CDH9: variants seen among roughly 807,000 people sequenced by gnomAD.
CDH9 encodes the protein cadherin 9, also known as cadherin-9.
Under a neutral mutation model 70.9 loss-of-function variants are expected in CDH9, and 28 were observed. That is an observed-to-expected ratio of 0.40 (90% confidence interval 0.29 to 0.54). The LOEUF is 0.54. CDH9 is among the 20% of genes least tolerant of loss of function. CDH9 has a pLI of 0.59. For missense variants in CDH9, 874 were observed against 984.4 expected (o/e 0.89, Z 1.50); for synonymous variants, 409 against 343.1 (o/e 1.19, Z -2.12).
At position 26,906,784 on chromosome 5, in the gene CDH9, T is replaced by C; in HGVS notation, c.578A>G (p.Asn193Ser). 1 of 1,613,212 alleles carries C rather than the reference T, an allele frequency of 6.2e-7. No homozygotes were observed. The highest frequency in any genetic ancestry group is 1.7e-5 in the Admixed American group (1 of 59,992). The change falls in exon 4 of 12, where the codon AAT (asparagine) becomes AGT (serine). Residue 193 changes from asparagine (N) to serine (S), a missense_variant. Transcript: ENST00000231021. ...TATGCTATAGACCACTTTGGCACTA[T>C]TTCCATAGTTGGCGTCATCTGCATC... ...ATDADDANYG[N>S]SAKVVYSILQ... is the part of the protein sequence containing the mutation.
intron 2 of CDH9, among the ~76,000 whole-genome samples, chr5:26,928,817 C>T (rs1187936463): frequency 1.3e-5 from 2 of 152,082 alleles, no homozygotes; most frequent in African/African-American, 4.8e-5. Context: ...AGACTCCTAT[C>T]TCTCACCATA....
intron 3 of CDH9, among the ~76,000 whole-genome samples, chr5:26,914,718 AATT>A (rs1263190232): frequency 6.6e-6 from 1 of 152,042 alleles, no homozygotes; most frequent in African/African-American, 2.4e-5. Flanking sequence ...CTTCTATAGA[AATT>A]ATTTTAGACT....
At chr5:26,909,211 C>G (rs562945124) in intron 3 of CDH9, among the ~76,000 whole-genome samples, 1 of 152,206 alleles carries the variant, frequency 6.6e-6, no homozygotes, top group East Asian at 1.9e-4. Flanking sequence ...GTCTCGATCT[C>G]CTGACCTCAT....
chr5:26,992,480 GC>G (rs1444602959), intron 1 of CDH9, among the ~76,000 whole-genome samples: 1 of 152,138 alleles, frequency 6.6e-6, no homozygotes, highest in African/African-American at 2.4e-5. Flanking sequence ...CACCAAATCT[GC>G]CATGCCTTGC....
chr5:26,964,065 G>C (rs995322815), intron 2 of CDH9, among the ~76,000 whole-genome samples: 5 of 152,016 alleles, frequency 3.3e-5, no homozygotes, highest in African/African-American at 1.2e-4. Context: ...AAAAAATTGT[G>C]AAGAGTATTT....
chr5:26,890,544 G>A lies in CDH9; in HGVS notation c.1274C>T (p.Thr425Ile). 6.2e-7 allele frequency: 1 copy of A among 1,607,582 alleles called. No homozygotes were observed. Residue 425 changes from threonine (T) to isoleucine (I), a missense_variant, in exon 8 of 12, where the codon ACT becomes ATT. Transcript: ENST00000231021. ...NLIKYSVDRH[T>I]DMDRIFGIHS... The stretch of plus-strand genomic sequence containing the variant: ...AATACCAAAAATACGGTCCATATCA[G>A]TATGCCGATCAACAGAGTACCTGGC...
At chr5:26,945,296 C>G (rs1431507398) in intron 2 of CDH9, among the ~76,000 whole-genome samples, 1 of 151,134 alleles carries the variant, frequency 6.6e-6, no homozygotes, top group East Asian at 1.9e-4. Context: ...TCAATATGTT[C>G]TTACAAGCTT....
chr5:26,907,511 A>G (rs929272170), intron 3 of CDH9, among the ~76,000 whole-genome samples: 1 of 152,116 alleles, frequency 6.6e-6, no homozygotes, highest in South Asian at 2.1e-4. Flanking sequence ...AAGAAGATCT[A>G]AAGTGTGTAA....
chr5:26,882,752 T>A (rs1436296641), intron 11 of CDH9, among the ~76,000 whole-genome samples: 1 of 151,804 alleles, frequency 6.6e-6, no homozygotes, highest in Non-Finnish European at 1.5e-5. Context: ...TATTTATGCT[T>A]CACAGAAAAT....
Position 27,030,235 on chromosome 5 carries a change from G to A in CDH9, c.-50+8228C>T, listed in dbSNP as rs796564299. 2.6e-4 allele frequency among the ~76,000 whole-genome samples: 40 copies of A among 151,974 alleles called. 2 individuals carry two copies. Among genetic ancestry groups the A allele is most frequent in the African/African-American group, 8.7e-4 (36 of 41,504 alleles). On this transcript the variant is annotated intron_variant, in intron 1 of 11. Coordinates refer to ENST00000231021, the MANE Select transcript of CDH9 (RefSeq NM_016279.4). ...CAACTCCCTGTAAGGTTCATTTCCC[G>A]TAGTAGGGAGAGATGGGGGAGAGGA...
chr5:26,936,078 T>A (rs916077504), intron 2 of CDH9, among the ~76,000 whole-genome samples: 4 of 151,366 alleles, frequency 2.6e-5, no homozygotes, highest in South Asian at 4.2e-4. Flanking sequence ...AATGATATAA[T>A]GGACTTTGAG....
chr5:26,902,776 G>A (rs1487173889), intron 6 of CDH9, 47 bp from the exon 7 acceptor site: 3 of 1,108,772 alleles, frequency 2.7e-6, no homozygotes, highest in Non-Finnish European at 2.6e-6. Flanking sequence ...CAGAAGATAT[G>A]ACAATGAAAG....
chr5:26,881,913 CA>C (rs1740474553), intron 11 of CDH9, among the ~76,000 whole-genome samples: 1 of 152,020 alleles, frequency 6.6e-6, no homozygotes, highest in Non-Finnish European at 1.5e-5. Context: ...AATTGCCTGA[CA>C]CCTCAGCAGT....
At chr5:26,991,066 A>T (rs1056578680) in intron 1 of CDH9, among the ~76,000 whole-genome samples, 1 of 152,230 alleles carries the variant, frequency 6.6e-6, no homozygotes, top group African/African-American at 2.4e-5. Flanking sequence ...TTATATGTTT[A>T]GAAAAGATCA....
intron 1 of CDH9, among the ~76,000 whole-genome samples, chr5:26,992,247 G>A (rs936850259): frequency 3.3e-5 from 5 of 152,126 alleles, no homozygotes; most frequent in Admixed American, 3.3e-4. Context: ...AACAGACCAG[G>A]GACCAGTACT....
chr5:26,937,513 C>T (rs1489131632), intron 2 of CDH9, among the ~76,000 whole-genome samples: 2 of 152,038 alleles, frequency 1.3e-5, no homozygotes, highest in African/African-American at 2.4e-5. Flanking sequence ...AATTATATTA[C>T]CTGGTTGAAA....
chr5:27,018,577 T>A (rs1413768223), intron 1 of CDH9, among the ~76,000 whole-genome samples: 1 of 151,990 alleles, frequency 6.6e-6, no homozygotes, highest in Non-Finnish European at 1.5e-5. Context: ...CGCTTTTTAA[T>A]GGAGACATCC....
At position 26,890,523 on chromosome 5, in the gene CDH9, C is replaced by T. The variant is rs751366845; in HGVS notation, c.1295G>A (p.Gly432Asp). The T allele has an allele frequency of 6.2e-7, 1 of 1,607,866 alleles. No individual in the cohort carries two copies. Among genetic ancestry groups the T allele is most frequent in the Non-Finnish European group, 8.5e-7 (1 of 1,174,434 alleles). The change falls in exon 8 of 12, where the codon GGT (glycine) becomes GAT (aspartate). Residue 432 changes from glycine to aspartate, a missense_variant. Coordinates refer to ENST00000231021, the MANE Select transcript of CDH9 (RefSeq NM_016279.4). The part of the protein sequence containing the change: ...DRHTDMDRIF[G>D]IHSENGSIFT... ...AATAGAACCATTTTCTGAGTGAATA[C>T]CAAAAATACGGTCCATATCAGTATG...
chr5:27,021,324 T>C (rs1478284345), intron 1 of CDH9, among the ~76,000 whole-genome samples: 3 of 151,834 alleles, frequency 2.0e-5, no homozygotes, highest in South Asian at 2.1e-4. Context: ...TCAGCACTTA[T>C]GATCTACAAT....
Sources: gnomAD v4.1 joint callset for allele counts (sites outside exome capture counted in the v4.1 genomes callset) on GRCh38, gnomAD v4.1.1 for gene constraint, MANE v1.5 for transcripts, NCBI Gene and HGNC (gene_info 2026-07-23, HGNC 2026-07-21) for gene names.